TSEN34: variants seen among roughly 807,000 people sequenced by gnomAD.
TSEN34 encodes the protein tRNA splicing endonuclease subunit 34.
TSEN34 carries 25 observed loss-of-function variants against 30.2 expected under a neutral mutation model. The ratio of observed to expected loss-of-function variants is 0.83; its 90% CI spans 0.60 to 1.16. The LOEUF is 1.16. Among genes scored for constraint, TSEN34 ranks in the 50% most tolerant of loss-of-function variants. The pLI, the probability that TSEN34 is intolerant of heterozygous loss-of-function variation, is 0.00. For missense variants in TSEN34, 475 were observed against 411.9 expected, an observed-to-expected ratio of 1.15 and a Z score of -1.33; for synonymous variants, 209 against 177.4, an observed-to-expected ratio of 1.18 and a Z score of -1.41.
rs1200530488 is a variant in TSEN34, at chr19:54,193,635, G to A, written c.*273G>A. ...TGTTTTCTACAGGGTTTAAGTCTCA[G>A]GAGGTCTCAATAAACTTGGTATATA... is the stretch of plus-strand genomic sequence containing the variant. On this transcript the variant is annotated 3_prime_UTR_variant, in exon 4 of 4. Transcript: ENST00000396388. The A allele has an allele frequency of 1.8e-6, 2 of 1,137,434 alleles. No homozygotes were observed. The highest frequency in any genetic ancestry group is 2.6e-6 in the Non-Finnish European group (2 of 783,280). 70.5% of individuals were successfully genotyped at this position (1,137,434 alleles called of 1,614,324 possible).
chr19:54,189,581 G>A (rs969405155), upstream of TSEN34: 5 of 152,680 alleles, frequency 3.3e-5, no homozygotes, highest in Admixed American at 2.0e-4. Flanking sequence ...GGTCCACACT[G>A]GGATCCGAGC....
rs1202474639 is a variant in TSEN34, at chr19:54,191,311, C to A, written c.-54C>A. 2 of 1,546,958 alleles carry A rather than the reference C, an allele frequency of 1.3e-6. No homozygotes were observed. Among genetic ancestry groups the A allele is most frequent in the South Asian group, 1.2e-5 (1 of 83,872 alleles). On this transcript the variant is annotated 5_prime_UTR_variant, in exon 1 of 4. Coordinates refer to ENST00000396388, the MANE Select transcript of TSEN34 (RefSeq NM_001077446.4). Reference sequence around the variant, plus strand: ...GAGGCTTTGGGTGCGCTGCAGCGGTCCGCGGCGCGCAGCTGTTTCGGTAAC... The same window carrying A: ...GAGGCTTTGGGTGCGCTGCAGCGGTACGCGGCGCGCAGCTGTTTCGGTAAC...
Position 54,194,241 on chromosome 19 carries a change from T to A in TSEN34, c.*879T>A, listed in dbSNP as rs558311653. ...TATGTGTGTGTATATATATATATAT[T>A]ATGAAAGGAAATGAGTATTGTAATT... On this transcript the variant is annotated 3_prime_UTR_variant, in exon 4 of 4. Coordinates refer to ENST00000396388, the MANE Select transcript of TSEN34 (RefSeq NM_001077446.4). 2 of 151,948 alleles carry A rather than the reference T, an allele frequency of 1.3e-5. No homozygotes were observed. The highest frequency in any genetic ancestry group is 1.9e-4 in the East Asian group (1 of 5,178). The allele number at this position is 151,948 out of a possible 1,614,324, so 9.4% of individuals were successfully genotyped here.
upstream of TSEN34, chr19:54,190,579 G>A: frequency 1.6e-6 from 2 of 1,250,168 alleles, no homozygotes; most frequent in Middle Eastern, 3.0e-4. Flanking sequence ...CGGGGCCACA[G>A]GCCGCGAGGC....
chr19:54,191,437 C>T lies in TSEN34; in HGVS notation c.73C>T (p.Arg25Cys), dbSNP rs1307925755. The T allele has an allele frequency of 1.9e-6, 3 of 1,547,940 alleles. No individual in the cohort carries two copies. The highest frequency in any genetic ancestry group is 2.6e-6 in the Non-Finnish European group (3 of 1,146,566). ...CGAGGCGGTGCAGGCCCTCCGGGAG[C>T]GCCTGGGTGTGGGGGGCCGCACGGT... ...GAEAVQALRE[R>C]LGVGGRTVGA... Residue 25 changes from arginine to cysteine, a missense_variant, in exon 1 of 4, where the codon CGC becomes TGC. Physicochemically the swap from Arg to Cys is radical, Grantham distance 180. Coordinates refer to ENST00000396388, the MANE Select transcript of TSEN34 (RefSeq NM_001077446.4).
chr19:54,192,456 T>G (rs2076746748), intron 3 of TSEN34, 83 bp downstream of exon 3: 2 of 1,313,730 alleles, frequency 1.5e-6, no homozygotes, highest in South Asian at 2.5e-5. Flanking sequence ...TTTTTTTTTT[T>G]GTCTTAATAG....
upstream of TSEN34, chr19:54,190,098 A>C (rs2076606175): frequency 1.9e-6 from 1 of 530,396 alleles, no homozygotes; most frequent in African/African-American, 2.0e-5. Flanking sequence ...GCGTGCGCCT[A>C]CGGGACCGGG....
chr19:54,193,275 C>T lies in TSEN34; in HGVS notation c.846C>T (p.Thr282=), dbSNP rs753154204. ...TGGTTGCTGCTGGGCGCCTTGGAACCAGCGTCAGAAAGACCCTGCTCCTCT... is the reference window on the plus strand; with the variant it reads ...TGGTTGCTGCTGGGCGCCTTGGAACTAGCGTCAGAAAGACCCTGCTCCTCT... ...QDLVAAGRLG[T]SVRKTLLLCS... Residue 282 remains threonine, a synonymous_variant, in exon 4 of 4, where the codon ACC becomes ACT. Coordinates refer to ENST00000396388, the MANE Select transcript of TSEN34 (RefSeq NM_001077446.4). The T allele has an allele frequency of 1.2e-6, 2 of 1,614,158 alleles. No individual in the cohort carries two copies. Among genetic ancestry groups the T allele is most frequent in the Admixed American group, 3.3e-5 (2 of 60,018 alleles).
intron 3 of TSEN34, 128 bp downstream of exon 3, chr19:54,192,501 T>A (rs2076748938): frequency 7.8e-7 from 1 of 1,278,206 alleles, no homozygotes; most frequent in South Asian, 1.3e-5. Flanking sequence ...CTGGTCCCTA[T>A]TCCTGGGCTC....
In TSEN34 at chr19:54,191,469, C is replaced by T. The variant is rs775789464; in HGVS notation, c.105C>T (p.Ala35=). 3.9e-6 allele frequency: 6 copies of T among 1,549,718 alleles called. No homozygotes were observed. The African/African-American group carries it at 6.8e-5, about 18-fold the overall frequency. ...GTGTGGGGGGCCGCACGGTAGGCGC[C>T]CTGCCCCGCGGGCCCCGCCAGAACT... ...RLGVGGRTVG[A]LPRGPRQNSR... The change falls in exon 1 of 4, where the codon GCC becomes GCT. Residue 35 remains alanine, a synonymous_variant. Coordinates refer to ENST00000396388, the MANE Select transcript of TSEN34 (RefSeq NM_001077446.4).
Position 54,192,219 on chromosome 19 carries a change from C to G in TSEN34, c.591C>G (p.Ala197=), listed in dbSNP as rs781446570. 5 of 1,614,156 alleles carry G rather than the reference C, an allele frequency of 3.1e-6. No individual in the cohort carries two copies. The South Asian group carries it at 5.5e-5, about 18-fold the overall frequency. ...LATARPRPVK[A]RPLDWRVQSK... Reference sequence around the variant, plus strand: ...CTGCCAGGCCTCGACCGGTCAAGGCCAGGCCCCTGGACTGGCGTGTCCAGT... The same window carrying G: ...CTGCCAGGCCTCGACCGGTCAAGGCGAGGCCCCTGGACTGGCGTGTCCAGT... Residue 197 remains alanine (A), a synonymous_variant, in exon 3 of 4, where the codon GCC becomes GCG. Coordinates refer to ENST00000396388, the MANE Select transcript of TSEN34 (RefSeq NM_001077446.4).
chr19:54,191,237 C>G (rs2076674379), upstream of TSEN34: 1 of 1,450,358 alleles, frequency 6.9e-7, no homozygotes, highest in Non-Finnish European at 9.0e-7. Context: ...GGCGGCTGAG[C>G]GAGGCCCCGC....
upstream of TSEN34, chr19:54,190,615 G>A: frequency 8.0e-7 from 1 of 1,244,532 alleles, no homozygotes; most frequent in Non-Finnish European, 1.0e-6. Flanking sequence ...ACGCCCGAAC[G>A]CCGAACCTAT....
upstream of TSEN34, chr19:54,190,933 AG>A (rs35612352): frequency 3.8e-6 from 4 of 1,051,188 alleles, no homozygotes; most frequent in Non-Finnish European, 4.6e-6. Flanking sequence ...GAACACCCGA[AG>A]GGGGACGCCC....
At chr19:54,189,977 T>A (rs183652776), upstream of TSEN34, 3 of 413,670 alleles carry the variant, frequency 7.3e-6, no homozygotes, top group Admixed American at 4.4e-5. Flanking sequence ...TGGGTACAAG[T>A]GACGCTAGGA....
upstream of TSEN34, chr19:54,190,177 G>T (rs1422060026): frequency 1.7e-6 from 1 of 591,450 alleles, no homozygotes; most frequent in African/African-American, 2.0e-5. Flanking sequence ...GCTCAGTGGG[G>T]CGGAGCCAAG....
intron 3 of TSEN34, 145 bp from the exon 4 acceptor site, chr19:54,193,030 T>TG (rs1345788231): frequency 1.1e-6 from 1 of 917,810 alleles, no homozygotes; most frequent in African/African-American, 2.4e-5. Context: ...AGCCTAGAAG[T>TG]GGAATAGTTG....
Position 54,193,890 on chromosome 19 carries a change from G to A in TSEN34, c.*528G>A. ...AAGATTTCTATGAAATTTCCCAGAT[G>A]CATACAAACGTTATAAATAAAAATA... On this transcript the variant is annotated 3_prime_UTR_variant, in exon 4 of 4. Transcript: ENST00000396388. The A allele has an allele frequency of 1.7e-6, 1 of 579,406 alleles. No individual in the cohort carries two copies. The highest frequency in any genetic ancestry group is 1.9e-5 in the African/African-American group (1 of 53,552). 35.9% of individuals were successfully genotyped at this position (579,406 alleles called of 1,614,324 possible). A position where few individuals can be genotyped will look rare whatever the true frequency, so the allele number is the denominator to read the frequency against.
rs11879943 is a variant in TSEN34, at chr19:54,192,316, C to A, written c.688C>A (p.Arg230=). The change falls in exon 3 of 4, where the codon CGA becomes AGA. Residue 230 remains arginine (R), a synonymous_variant. Transcript: ENST00000396388. ...CAGTATCTACAGAGACCTGTGGGAG[C>A]GAGGCTTCTTCCTCAGTGCGGCTGG... The part of the protein sequence containing the change: ...RYSIYRDLWE[R]GFFLSAAGKF... 16,140 of 1,614,070 alleles carry A rather than the reference C, an allele frequency of 1.0e-2. 734 individuals are homozygous for A. The East Asian group carries it at 0.15, about 15-fold the overall frequency.
Sources: allele counts gnomAD v4.1 joint callset, GRCh38; gene constraint gnomAD v4.1.1; transcripts MANE v1.5; gene names NCBI Gene and HGNC (gene_info 2026-07-23, HGNC 2026-07-21).